Variants in GRIK4 observed in about 807,000 individuals in gnomAD.
GRIK4 encodes glutamate receptor ionotropic, kainate 4.
GRIK4 carries 40 observed loss-of-function variants against 104.9 expected under a neutral mutation model. The observed-to-expected ratio is 0.38, with a 90% CI of 0.30 to 0.50. The LOEUF (loss-of-function observed/expected upper bound fraction) is 0.50. GRIK4 is among the 20% of genes least tolerant of loss of function. The pLI, the probability that GRIK4 is intolerant of heterozygous loss-of-function variation, is 0.93. For missense variants in GRIK4, 1,047 were observed against 1,308.1 expected (o/e 0.80, Z 3.08); for synonymous variants, 485 against 524.9 (o/e 0.92, Z 1.04).
rs1949377961 is a variant in GRIK4 at position 120,634,830 on chromosome 11, C to G, written c.-158-18855C>G. Among the ~76,000 whole-genome samples the G allele has an allele frequency of 2.0e-5, 3 of 152,266 alleles. No homozygotes were observed. The South Asian group carries it at 6.2e-4, about 32-fold the overall frequency. ...TCCTCCTCTCTGCCAATCTTCGTGCCCAGCTCACGGAGTCGCCAAGCATGT... is the reference window on the plus strand; with the variant it reads ...TCCTCCTCTCTGCCAATCTTCGTGCGCAGCTCACGGAGTCGCCAAGCATGT... On this transcript the variant is annotated intron_variant, in intron 1 of 20. Transcript: ENST00000527524.
chr11:120,824,336 C>T (rs1339012548), intron 6 of GRIK4, among the ~76,000 whole-genome samples: 6 of 152,100 alleles, frequency 3.9e-5, no homozygotes, highest in African/African-American at 1.2e-4. Context: ...GCTCACAGAG[C>T]CTGAGGGAGT....
At chr11:120,634,252 G>A (rs1949368170) in intron 1 of GRIK4, among the ~76,000 whole-genome samples, 1 of 152,156 alleles carries the variant, frequency 6.6e-6, no homozygotes, top group Admixed American at 6.5e-5. Context: ...TGTCACTCTA[G>A]CCTTGTTAGA....
chr11:120,812,216 G>A (rs1226855887), intron 4 of GRIK4, among the ~76,000 whole-genome samples: 1 of 152,208 alleles, frequency 6.6e-6, no homozygotes, highest in Non-Finnish European at 1.5e-5. Flanking sequence ...GCTTGAGTGA[G>A]GGAAGGCAAG....
intron 1 of GRIK4, among the ~76,000 whole-genome samples, chr11:120,615,560 C>T (rs964989076): frequency 3.3e-5 from 5 of 152,314 alleles, no homozygotes; most frequent in African/African-American, 1.2e-4. Context: ...TGGCTCTCTT[C>T]TCTATTCCAG....
In GRIK4 at chr11:120,899,233, A is replaced by G. The variant is rs574194465; in HGVS notation, c.1272+594A>G. Reference sequence around the variant, plus strand: ...GGAGTTTGAGACCAAGCTGGCCAACACGGCGAAACCCTGTCTCTACTAAAA... The same window carrying G: ...GGAGTTTGAGACCAAGCTGGCCAACGCGGCGAAACCCTGTCTCTACTAAAA... On this transcript the variant is annotated intron_variant, in intron 12 of 20. Transcript: ENST00000527524. Among the ~76,000 whole-genome samples, 6 of 152,096 alleles carry G rather than the reference A, an allele frequency of 3.9e-5. No individual in the cohort carries two copies. In the East Asian group the frequency reaches 5.8e-4, roughly 15 times the overall value.
At chr11:120,607,902 A>T (rs1185264669) in intron 1 of GRIK4, among the ~76,000 whole-genome samples, 1 of 152,140 alleles carries the variant, frequency 6.6e-6, no homozygotes, top group African/African-American at 2.4e-5. Flanking sequence ...AAACGAGGGC[A>T]GGTGAGACCC....
chr11:120,726,328 C>A (rs1397795052), intron 3 of GRIK4, among the ~76,000 whole-genome samples: 2 of 152,168 alleles, frequency 1.3e-5, no homozygotes, highest in Non-Finnish European at 2.9e-5. Flanking sequence ...CTGAGTTATG[C>A]TTTAGAGAGA....
intron 8 of GRIK4, among the ~76,000 whole-genome samples, chr11:120,844,286 C>T (rs1953797745): frequency 6.6e-6 from 1 of 152,154 alleles, no homozygotes; most frequent in Admixed American, 6.5e-5. Flanking sequence ...AAGGAAGTCT[C>T]CCCTGACACC....
chr11:120,982,634 A>G (rs1252409467), intron 20 of GRIK4, among the ~76,000 whole-genome samples: 1 of 152,218 alleles, frequency 6.6e-6, no homozygotes, highest in Non-Finnish European at 1.5e-5. Flanking sequence ...GGTTAACATA[A>G]ACTTTACCCA....
chr11:120,670,723 T>C (rs1233725795), intron 3 of GRIK4, among the ~76,000 whole-genome samples: 1 of 152,208 alleles, frequency 6.6e-6, no homozygotes, highest in Non-Finnish European at 1.5e-5. Context: ...ATTTTTATTA[T>C]ACTTTAAGTT....
In GRIK4 at chr11:120,638,483, C is replaced by CT. The variant is rs34177486; in HGVS notation, c.-158-15189dup. ...CTCTCAATGATTTCTTCTTCTTTTG[C>CT]TTTTTTTTTTTTTCTGAGACGGAGT... On this transcript the variant is annotated intron_variant, in intron 1 of 20. Coordinates refer to ENST00000527524, the MANE Select transcript of GRIK4 (RefSeq NM_014619.5). 4.7e-4 allele frequency among the ~76,000 whole-genome samples: 69 copies of CT among 146,594 alleles called. 1 individual carries two copies. The highest frequency in any genetic ancestry group is 6.1e-4 in the Admixed American group (9 of 14,808).
chr11:120,858,398 G>A (rs1954173782), intron 8 of GRIK4: 1 of 152,178 alleles, frequency 6.6e-6, no homozygotes, highest in South Asian at 2.1e-4. Context: ...TAGATGTAGA[G>A]TAGCATTTCC....
intron 1 of GRIK4, among the ~76,000 whole-genome samples, chr11:120,632,706 C>G (rs1213684360): frequency 6.6e-6 from 1 of 152,098 alleles, no homozygotes; most frequent in Non-Finnish European, 1.5e-5. Context: ...AAGAGCACCC[C>G]CAGAACTGAG....
At chr11:120,849,152 C>A (rs944518908) in intron 8 of GRIK4, among the ~76,000 whole-genome samples, 9 of 151,940 alleles carry the variant, frequency 5.9e-5, no homozygotes, top group African/African-American at 1.9e-4. Flanking sequence ...TTGTATCTGC[C>A]CCCAACGCGC....
chr11:120,579,964 A>G (rs1432842955), intron 1 of GRIK4, among the ~76,000 whole-genome samples: 1 of 152,154 alleles, frequency 6.6e-6, no homozygotes, highest in Non-Finnish European at 1.5e-5. Context: ...ATATAAATAG[A>G]ATCACATAGT....
chr11:120,740,678 T>A (rs1036416040), intron 3 of GRIK4, among the ~76,000 whole-genome samples: 1 of 152,210 alleles, frequency 6.6e-6, no homozygotes, highest in African/African-American at 2.4e-5. Context: ...CCAGTCTCTG[T>A]GCTCCCATGG....
At chr11:120,685,892 G>T (rs1350895548) in intron 3 of GRIK4, among the ~76,000 whole-genome samples, 1 of 151,978 alleles carries the variant, frequency 6.6e-6, no homozygotes, top group Non-Finnish European at 1.5e-5. Flanking sequence ...GGGCAATCTT[G>T]TGCCCTCCCT....
At chr11:120,879,110 C>T (rs1467964316) in intron 11 of GRIK4, among the ~76,000 whole-genome samples, 2 of 152,242 alleles carry the variant, frequency 1.3e-5, no homozygotes, top group African/African-American at 2.4e-5. Flanking sequence ...GAACTTGGTC[C>T]CGCTATTAGC....
At chr11:120,794,785 T>C (rs1163478900) in intron 3 of GRIK4, among the ~76,000 whole-genome samples, 2 of 151,988 alleles carry the variant, frequency 1.3e-5, no homozygotes, top group African/African-American at 4.8e-5. Context: ...TAAGGGTCTG[T>C]GGTGTGGGAG....
Sources: allele counts gnomAD v4.1 joint callset (sites outside exome capture counted in the v4.1 genomes callset), GRCh38; gene constraint gnomAD v4.1.1; transcripts MANE v1.5; gene names NCBI Gene and HGNC (gene_info 2026-07-23, HGNC 2026-07-21).